Variants in C3 observed in about 807,000 individuals in gnomAD.
C3 encodes complement C3.
C3 carries 97 observed loss-of-function variants against 207.9 expected under a neutral mutation model. The ratio of observed to expected loss-of-function variants is 0.47; its 90% CI spans 0.40 to 0.55. The LOEUF (loss-of-function observed/expected upper bound fraction) is 0.55, where lower values mean the gene tolerates loss of function less well. C3 is among the 20% of genes least tolerant of loss of function. The probability of loss-of-function intolerance (pLI) is 0.00; values close to 1 mark genes in which losing one functional copy is unlikely to be tolerated. For synonymous variants in C3, 848 were observed against 857.6 expected (o/e 0.99, Z 0.20); for missense variants, 1,684 against 2,171.7 (o/e 0.78, Z 4.46).
At chr19:6,700,907 CGAGT>C (rs1316889909) in intron 19 of C3, among the ~76,000 whole-genome samples, 1 of 149,394 alleles carries the variant, frequency 6.7e-6, no homozygotes, top group African/African-American at 2.5e-5. Context: ...GCTGGATGAC[CGAGT>C]GAGACTCCTT....
chr19:6,680,862 T>C (rs932942967), intron 35 of C3, among the ~76,000 whole-genome samples: 1 of 152,000 alleles, frequency 6.6e-6, no homozygotes, highest in Non-Finnish European at 1.5e-5. Flanking sequence ...GCCCAAATCA[T>C]GGTAGAGATG....
intron 17 of C3, among the ~76,000 whole-genome samples, chr19:6,705,897 C>G (rs1418234103): frequency 1.3e-5 from 2 of 150,544 alleles, no homozygotes; most frequent in African/African-American, 4.9e-5. Context: ...TAGTCTTGAA[C>G]TCCTGACCTC....
chr19:6,682,308 G>T, intron 33 of C3, 79 bp from the exon 34 acceptor site: 1 of 1,044,232 alleles, frequency 9.6e-7, no homozygotes, highest in Non-Finnish European at 1.5e-6. Flanking sequence ...AAGGAGGTCT[G>T]ATCAGGCACT....
intron 4 of C3, among the ~76,000 whole-genome samples, chr19:6,715,063 C>T (rs1391163652): frequency 1.3e-5 from 2 of 152,106 alleles, no homozygotes; most frequent in Non-Finnish European, 2.9e-5. Flanking sequence ...TTCAGTGTCT[C>T]TCTGAATACT....
chr19:6,706,049 C>T (rs900166088), intron 17 of C3, among the ~76,000 whole-genome samples: 21 of 152,204 alleles, frequency 1.4e-4, no homozygotes, highest in African/African-American at 5.1e-4. Context: ...AAAGTCTCAC[C>T]TGATTCAAAA....
chr19:6,687,005 TG>T lies in C3; in HGVS notation c.3490-104del, dbSNP rs1025686227. 3.3e-6 allele frequency: 4 copies of T among 1,204,778 alleles called. No individual in the cohort carries two copies. The African/African-American group carries it at 6.0e-5, about 18-fold the overall frequency. 74.6% of individuals were successfully genotyped at this position (1,204,778 alleles called of 1,614,324 possible). ...CCTGAGCATCAGGGATTTCTGTCCT[TG>T]GGACACACCTGTCTTAGATTTGTCC... On this transcript the variant is annotated intron_variant, in intron 27 of 40. Coordinates refer to ENST00000245907, the MANE Select transcript of C3 (RefSeq NM_000064.4).
rs1001663561 is a variant in C3, at chr19:6,707,027, TC to T, written c.2245+48del. The T allele has an allele frequency of 6.3e-6, 5 of 789,246 alleles. No individual in the cohort carries two copies. In the African/African-American group the frequency reaches 1.3e-4, roughly 20 times the overall value. The allele number at this position is 789,246 out of a possible 1,614,324, so 48.9% of individuals were successfully genotyped here. A position where few individuals can be genotyped will look rare whatever the true frequency, so the allele number is the denominator to read the frequency against. ...CCTCCCTCCTCAGACAGGAGTCTCC[TC>T]CCCCATCAGACGGCCCCCTCCCCCT... is the stretch of plus-strand genomic sequence containing the variant. On this transcript the variant is annotated intron_variant, in intron 17 of 40. Transcript: ENST00000245907.
At chr19:6,717,704 G>C in intron 4 of C3, 1 of 375,100 alleles carries the variant, frequency 2.7e-6, no homozygotes. Context: ...TGTATTGCGT[G>C]GTTGTGTATG....
At chr19:6,702,420 T>C in intron 18 of C3, 51 bp downstream of exon 18, 1 of 1,247,610 alleles carries the variant, frequency 8.0e-7, no homozygotes, top group Non-Finnish European at 1.2e-6. Flanking sequence ...TGCATGCAAA[T>C]TAAACGGTCT....
intron 17 of C3, 52 bp from the exon 18 acceptor site, chr19:6,702,631 C>G: frequency 7.8e-7 from 1 of 1,287,386 alleles, no homozygotes; most frequent in South Asian, 1.2e-5. Context: ...GTTGCCATGG[C>G]TCATGCCTGA....
intron 27 of C3, among the ~76,000 whole-genome samples, chr19:6,688,055 A>T (rs1918055946): frequency 6.8e-6 from 1 of 148,130 alleles, no homozygotes; most frequent in African/African-American, 2.5e-5. Flanking sequence ...ACGGGGTTTC[A>T]CCGTGGTCTC....
At chr19:6,712,674 G>T (rs1599524298) in intron 9 of C3, 51 bp from the exon 10 acceptor site, 3 of 1,469,822 alleles carry the variant, frequency 2.0e-6, no homozygotes, top group Non-Finnish European at 1.9e-6. Flanking sequence ...CTCAGGATTA[G>T]ACCTCCTCCC....
In C3 at chr19:6,710,324, GGA is replaced by G. The variant is rs1178008009; in HGVS notation, c.1686+313_1686+314del. ...GAGAGAGGGAAAGGGAAAGAGACAG[GGA>G]GAGAGAAAAGGAGAGAGAGAGGGAG... On this transcript the variant is annotated intron_variant, in intron 13 of 40. Coordinates refer to ENST00000245907, the MANE Select transcript of C3 (RefSeq NM_000064.4). Among the ~76,000 whole-genome samples the G allele has an allele frequency of 3.8e-5, 5 of 131,584 alleles. No homozygotes were observed. In the East Asian group the frequency reaches 1.4e-3, roughly 38 times the overall value. 86.3% of individuals were successfully genotyped at this position (131,584 alleles called of 152,430 possible). A position where few individuals can be genotyped will look rare whatever the true frequency, so the allele number is the denominator to read the frequency against.
At chr19:6,694,722 G>T in intron 23 of C3, 88 bp from the exon 24 acceptor site, 1 of 1,252,310 alleles carries the variant, frequency 8.0e-7, no homozygotes, top group Non-Finnish European at 1.1e-6. Flanking sequence ...CTCCCAACCA[G>T]CCAGGGCCAA....
chr19:6,688,033 T>C (rs1486223606), intron 27 of C3, among the ~76,000 whole-genome samples: 1 of 151,698 alleles, frequency 6.6e-6, no homozygotes, highest in Non-Finnish European at 1.5e-5. Flanking sequence ...ATTTTTTGTA[T>C]TTTTAGTAGA....
intron 4 of C3, chr19:6,717,814 G>A (rs964648082): frequency 3.6e-6 from 2 of 558,138 alleles, no homozygotes; most frequent in African/African-American, 3.8e-5. Context: ...TTGTGTGGTC[G>A]TGTATGTTGT....
intron 29 of C3, 54 bp from the exon 30 acceptor site, chr19:6,685,200 G>A (rs184093744): frequency 6.5e-7 from 1 of 1,534,088 alleles, no homozygotes; most frequent in Non-Finnish European, 9.0e-7. Context: ...AAAGTGGCTA[G>A]AATCCAGTGG....
chr19:6,681,934 G>T lies in C3; in HGVS notation c.4350+7C>A, dbSNP rs148695501. ...AAGCCTCCCAGGGGAGGATGATGCA[G>T]CCTTACCTTGTCCAGGTAGATGATG... On this transcript the variant is annotated splice_region_variant and intron_variant, in intron 35 of 40. Transcript: ENST00000245907. 4.8e-5 allele frequency: 77 copies of T among 1,608,782 alleles called. No homozygotes were observed. Among genetic ancestry groups the T allele is most frequent in the Admixed American group, 6.7e-5 (4 of 60,022 alleles).
intron 13 of C3, 101 bp from the exon 14 acceptor site, chr19:6,709,943 G>C (rs1406612249): frequency 8.5e-6 from 10 of 1,181,412 alleles, no homozygotes; most frequent in Non-Finnish European, 1.2e-5. Context: ...AGAAAGGTTG[G>C]GGGGAGCCGT....
Sources: allele counts gnomAD v4.1 joint callset (sites outside exome capture counted in the v4.1 genomes callset), GRCh38; gene constraint gnomAD v4.1.1; transcripts MANE v1.5; gene names NCBI Gene and HGNC (gene_info 2026-07-23, HGNC 2026-07-21).